Variants in SEMA5B observed in about 807,000 individuals in gnomAD.
SEMA5B encodes the protein semaphorin 5B, also known as semaphorin-5B.
A neutral mutation model predicts 135.0 loss-of-function variants in SEMA5B; 66 were observed. That is an observed-to-expected ratio of 0.49 (90% CI 0.40 to 0.60). The LOEUF (loss-of-function observed/expected upper bound fraction) is 0.60, where lower values mean the gene tolerates loss of function less well. Among genes scored for constraint, SEMA5B ranks in the 20% least tolerant of loss-of-function variants. The pLI is 0.00. For missense variants in SEMA5B, 1,501 were observed against 1,566.3 expected, an observed-to-expected ratio of 0.96 and a Z score of 0.70; for synonymous variants, 690 against 639.5, an observed-to-expected ratio of 1.08 and a Z score of -1.19.
intron 1 of SEMA5B, among the ~76,000 whole-genome samples, chr3:123,025,077 T>G (rs1246057421): frequency 6.6e-6 from 1 of 152,242 alleles, no homozygotes; most frequent in Non-Finnish European, 1.5e-5. Flanking sequence ...CAAGAAAGTT[T>G]CTGGGGCTCC....
intron 5 of SEMA5B, among the ~76,000 whole-genome samples, chr3:122,935,682 C>CT (rs1402707939): frequency 1.8e-3 from 126 of 70,698 alleles, no homozygotes; most frequent in Non-Finnish European, 2.6e-3. Context: ...CTTTTTCTTT[C>CT]TTTCTTTTTT....
intron 5 of SEMA5B, among the ~76,000 whole-genome samples, chr3:122,934,749 C>T (rs960344480): frequency 1.3e-5 from 2 of 151,786 alleles, no homozygotes; most frequent in Non-Finnish European, 2.9e-5. Context: ...GGTATGGTGG[C>T]TTATACCTGT....
At chr3:122,956,217 T>C (rs2107584767) in intron 2 of SEMA5B, among the ~76,000 whole-genome samples, 1 of 152,360 alleles carries the variant, frequency 6.6e-6, no homozygotes, top group Middle Eastern at 3.4e-3. Flanking sequence ...CCCAAATCTT[T>C]GGCCAGAGCT....
intron 1 of SEMA5B, among the ~76,000 whole-genome samples, chr3:123,023,957 T>C (rs1186493468): frequency 1.3e-5 from 2 of 152,206 alleles, no homozygotes; most frequent in African/African-American, 4.8e-5. Flanking sequence ...TTGAAGATCA[T>C]GGGAAACATC....
At chr3:123,002,702 C>A (rs1169306123) in intron 1 of SEMA5B, among the ~76,000 whole-genome samples, 1 of 152,210 alleles carries the variant, frequency 6.6e-6, no homozygotes, top group Non-Finnish European at 1.5e-5. Context: ...CACGTCTCAG[C>A]AAACAGTGGG....
intron 2 of SEMA5B, among the ~76,000 whole-genome samples, chr3:122,955,060 C>CAG: frequency 6.6e-6 from 1 of 151,950 alleles, no homozygotes; most frequent in Non-Finnish European, 1.5e-5. Context: ...CCTCAACCTC[C>CAG]CAAAATGCTG....
At chr3:123,027,955 G>C (rs947147944), upstream of SEMA5B, 2 of 152,186 alleles carry the variant, frequency 1.3e-5, no homozygotes, top group African/African-American at 4.8e-5. Flanking sequence ...GCGGCTGCTC[G>C]GCCGACTCCC....
intron 1 of SEMA5B, among the ~76,000 whole-genome samples, chr3:122,996,830 C>A (rs1357612481): frequency 6.6e-6 from 1 of 152,246 alleles, no homozygotes; most frequent in South Asian, 2.1e-4. Context: ...GCCCAGCCCC[C>A]ATGAGGAATG....
chr3:123,007,094 T>C (rs1263151369), intron 1 of SEMA5B, among the ~76,000 whole-genome samples: 1 of 152,160 alleles, frequency 6.6e-6, no homozygotes, highest in Non-Finnish European at 1.5e-5. Flanking sequence ...CCTCTGAGCA[T>C]GGGGCAAATT....
At chr3:122,957,891 G>C (rs773161538) in intron 2 of SEMA5B, among the ~76,000 whole-genome samples, 1 of 152,228 alleles carries the variant, frequency 6.6e-6, no homozygotes, top group African/African-American at 2.4e-5. Context: ...GGCTCCAAGT[G>C]CTCTCCAAGC....
intron 1 of SEMA5B, among the ~76,000 whole-genome samples, chr3:123,022,195 A>T (rs1018785109): frequency 6.6e-6 from 1 of 152,132 alleles, no homozygotes; most frequent in Admixed American, 6.5e-5. Context: ...CTCATTTCTA[A>T]CCCAGCCTCC....
Position 122,917,910 on chromosome 3 carries a change from ACAAGTAGTCC to A in SEMA5B, c.1689-2030_1689-2021del, listed in dbSNP as rs1245858089. Among the ~76,000 whole-genome samples the A allele has an allele frequency of 4.0e-5, 6 of 151,276 alleles. No individual in the cohort carries two copies. The East Asian group carries it at 1.2e-3, about 29-fold the overall frequency. On this transcript the variant is annotated intron_variant, in intron 12 of 22. Coordinates refer to ENST00000357599, the MANE Select transcript of SEMA5B (RefSeq NM_001031702.4). ...GTGGGACTACATGCAACACATGTAC[ACAAGTAGTCC>A]CAGCAACCTGTGGTTTTGAGACTCT...
intron 1 of SEMA5B, among the ~76,000 whole-genome samples, chr3:122,966,395 G>C (rs918826012): frequency 1.3e-5 from 2 of 152,176 alleles, no homozygotes; most frequent in African/African-American, 4.8e-5. Context: ...AGTCCCAGAA[G>C]TCTGTAGTAC....
intron 2 of SEMA5B, among the ~76,000 whole-genome samples, chr3:122,950,585 T>C (rs1010804511): frequency 2.0e-5 from 3 of 152,258 alleles, no homozygotes; most frequent in Non-Finnish European, 4.4e-5. Context: ...TTGAATCTAA[T>C]AACAAAATAT....
intron 1 of SEMA5B, among the ~76,000 whole-genome samples, chr3:122,983,484 A>G (rs887158744): frequency 1.4e-4 from 22 of 151,932 alleles, no homozygotes; most frequent in Non-Finnish European, 3.1e-4. Flanking sequence ...AAAAACCTAT[A>G]AAGACACACG....
At chr3:122,910,694 C>T in intron 22 of SEMA5B, 146 bp downstream of exon 22, 1 of 632,270 alleles carries the variant, frequency 1.6e-6, no homozygotes, top group East Asian at 2.9e-5. Flanking sequence ...CCTGTAGTCC[C>T]AGCTACTTGG....
At chr3:123,027,832 G>A (rs1041346795), upstream of SEMA5B, 1 of 152,454 alleles carries the variant, frequency 6.6e-6, no homozygotes, top group African/African-American at 2.4e-5. Flanking sequence ...GGGAGAGAAG[G>A]AGGGGAGCGG....
At position 123,004,614 on chromosome 3, in the gene SEMA5B, A is replaced by G. The variant is rs571317925; in HGVS notation, c.-39+22850T>C. Reference sequence around the variant, plus strand: ...TCTAAAGTGTGTTAGAACACTTTACACTTTAGAATGACCCACCCCAGCTTC... The same window carrying G: ...TCTAAAGTGTGTTAGAACACTTTACGCTTTAGAATGACCCACCCCAGCTTC... On this transcript the variant is annotated intron_variant, in intron 1 of 22. Transcript: ENST00000357599. Among the ~76,000 whole-genome samples, 21 of 152,334 alleles carry G rather than the reference A, an allele frequency of 1.4e-4. No individual in the cohort carries two copies. In the South Asian group the frequency reaches 4.4e-3, roughly 32 times the overall value.
chr3:122,955,611 C>T (rs965971372), intron 2 of SEMA5B, among the ~76,000 whole-genome samples: 6 of 152,170 alleles, frequency 3.9e-5, no homozygotes, highest in Non-Finnish European at 7.3e-5. Flanking sequence ...CATAGCCAAT[C>T]CAATTATCCC....
Sources: allele counts gnomAD v4.1 joint callset (sites outside exome capture counted in the v4.1 genomes callset), GRCh38; gene constraint gnomAD v4.1.1; transcripts MANE v1.5; gene names NCBI Gene and HGNC (gene_info 2026-07-23, HGNC 2026-07-21).